FAM135B: variants seen among roughly 807,000 people sequenced by gnomAD.
FAM135B encodes the protein family with sequence similarity 135 member B.
FAM135B carries 43 observed loss-of-function variants against 127.7 expected under a neutral mutation model. The observed-to-expected ratio is 0.34, with a 90% CI of 0.26 to 0.43. The LOEUF (loss-of-function observed/expected upper bound fraction) is 0.43. Ranked by LOEUF, FAM135B falls within the 20% of genes least tolerant of loss-of-function variation. The pLI, the probability that FAM135B is intolerant of heterozygous loss-of-function variation, is 1.00. For missense variants in FAM135B, 1,558 were observed against 1,725.6 expected (o/e 0.90, Z 1.72); for synonymous variants, 670 against 665.1 (o/e 1.01, Z -0.11).
intron 2 of FAM135B, among the ~76,000 whole-genome samples, chr8:138,314,327 C>A (rs1176154200): frequency 6.6e-6 from 1 of 152,128 alleles, no homozygotes; most frequent in African/African-American, 2.4e-5. Flanking sequence ...TTTGTTAATT[C>A]AGTGTTCACG....
chr8:138,446,600 A>G (rs1836175602), intron 1 of FAM135B, among the ~76,000 whole-genome samples: 1 of 152,334 alleles, frequency 6.6e-6, no homozygotes, highest in Admixed American at 6.5e-5. Flanking sequence ...CTGGCTAGCC[A>G]TATGTAGAAA....
intron 1 of FAM135B, among the ~76,000 whole-genome samples, chr8:138,434,246 G>C (rs116328174): frequency 1.3e-5 from 2 of 152,146 alleles, no homozygotes; most frequent in African/African-American, 4.8e-5. Flanking sequence ...ATCAATTGCT[G>C]TCTAAATATG....
chr8:138,323,792 C>CT (rs569538926), intron 2 of FAM135B, among the ~76,000 whole-genome samples: 6 of 151,958 alleles, frequency 3.9e-5, no homozygotes, highest in African/African-American at 1.2e-4. Context: ...CTCTCACTGC[C>CT]TTTTTTTTCT....
At chr8:138,326,923 T>C (rs1827828867) in intron 2 of FAM135B, among the ~76,000 whole-genome samples, 2 of 152,126 alleles carry the variant, frequency 1.3e-5, no homozygotes, top group South Asian at 4.1e-4. Flanking sequence ...AATTATGACA[T>C]TCATATGTTG....
chr8:138,386,510 G>A (rs1335294001), intron 1 of FAM135B, among the ~76,000 whole-genome samples: 1 of 152,140 alleles, frequency 6.6e-6, no homozygotes, highest in Non-Finnish European at 1.5e-5. Flanking sequence ...TGGAAGAAAA[G>A]AATGGAAGAT....
chr8:138,382,955 A>G (rs1831950478), intron 1 of FAM135B, among the ~76,000 whole-genome samples: 1 of 152,166 alleles, frequency 6.6e-6, no homozygotes, highest in Admixed American at 6.5e-5. Context: ...ATGGATAGAG[A>G]GGATGGAAAC....
intron 1 of FAM135B, among the ~76,000 whole-genome samples, chr8:138,407,710 G>C (rs1355230486): frequency 6.6e-6 from 1 of 152,194 alleles, no homozygotes; most frequent in African/African-American, 2.4e-5. Context: ...GCCATATTTA[G>C]AAAGCTGAAA....
At chr8:138,199,975 C>A (rs527375637) in intron 7 of FAM135B, among the ~76,000 whole-genome samples, 1 of 152,148 alleles carries the variant, frequency 6.6e-6, no homozygotes, top group East Asian at 1.9e-4. Flanking sequence ...TGTAACCTTG[C>A]GGGAGCAGCT....
At chr8:138,364,129 T>C (rs1830599551) in intron 2 of FAM135B, among the ~76,000 whole-genome samples, 1 of 152,200 alleles carries the variant, frequency 6.6e-6, no homozygotes, top group African/African-American at 2.4e-5. Flanking sequence ...GCTTGGATTG[T>C]AGCCATGCCC....
chr8:138,352,308 C>T (rs922859186), intron 2 of FAM135B, among the ~76,000 whole-genome samples: 2 of 152,138 alleles, frequency 1.3e-5, no homozygotes, highest in African/African-American at 4.8e-5. Context: ...GATGTGTATC[C>T]CAATTACTTC....
intron 7 of FAM135B, among the ~76,000 whole-genome samples, chr8:138,231,027 T>C (rs1819866904): frequency 6.6e-6 from 1 of 152,080 alleles, no homozygotes; most frequent in South Asian, 2.1e-4. Flanking sequence ...GTTTTATATT[T>C]GTTTAGTATT....
intron 12 of FAM135B, among the ~76,000 whole-genome samples, chr8:138,158,466 C>A (rs1818999949): frequency 6.6e-6 from 1 of 152,326 alleles, no homozygotes; most frequent in Admixed American, 6.5e-5. Flanking sequence ...TAAAGAGCTT[C>A]TGCACAGCAA....
chr8:138,138,128 C>T (rs924654761), intron 18 of FAM135B, among the ~76,000 whole-genome samples: 2 of 152,202 alleles, frequency 1.3e-5, no homozygotes, highest in African/African-American at 2.4e-5. Context: ...AGCTCCTGCA[C>T]CCCTGATGGA....
At chr8:138,154,345 C>A (rs1258528739) in intron 12 of FAM135B, among the ~76,000 whole-genome samples, 2 of 152,136 alleles carry the variant, frequency 1.3e-5, no homozygotes, top group African/African-American at 2.4e-5. Flanking sequence ...GAAACCAGAG[C>A]AGAAAAGCTG....
intron 7 of FAM135B, among the ~76,000 whole-genome samples, chr8:138,215,649 G>A (rs1399883771): frequency 6.6e-6 from 1 of 152,222 alleles, no homozygotes. Flanking sequence ...GAGGATGAAA[G>A]TGCTTTGGCA....
chr8:138,162,043 T>C (rs1819456661), intron 12 of FAM135B, among the ~76,000 whole-genome samples: 1 of 152,196 alleles, frequency 6.6e-6, no homozygotes, highest in Non-Finnish European at 1.5e-5. Context: ...AAAATTTGCT[T>C]CAATATCATT....
At chr8:138,359,488 T>C (rs76170071) in intron 2 of FAM135B, among the ~76,000 whole-genome samples, 4,891 of 152,220 alleles carry the variant, frequency 0.032, 153 homozygotes, top group East Asian at 0.17. Flanking sequence ...TGTCGTAATG[T>C]TAAACTTGAA....
intron 11 of FAM135B, among the ~76,000 whole-genome samples, chr8:138,175,234 C>T (rs559596788): frequency 5.3e-5 from 8 of 152,310 alleles, no homozygotes; most frequent in African/African-American, 1.4e-4. Context: ...TGACAAGGCC[C>T]CACATGGACT....
At chr8:138,420,787 C>T (rs887380380) in intron 1 of FAM135B, among the ~76,000 whole-genome samples, 6 of 152,136 alleles carry the variant, frequency 3.9e-5, no homozygotes, top group Non-Finnish European at 7.3e-5. Flanking sequence ...CAACGAAATT[C>T]AACATCCCTT....
Sources: allele counts gnomAD v4.1 joint callset (sites outside exome capture counted in the v4.1 genomes callset), GRCh38; gene constraint gnomAD v4.1.1; transcripts MANE v1.5; gene names NCBI Gene and HGNC (gene_info 2026-07-23, HGNC 2026-07-21).